The following RAD23B variants were observed in gnomAD, a reference collection of about 807,000 sequenced individuals.
RAD23B encodes the protein lysine-specific demethylase RAD23B.
RAD23B carries 5 observed loss-of-function variants against 49.1 expected under a neutral mutation model. That is an observed-to-expected ratio of 0.10 (90% CI 0.05 to 0.21). The LOEUF (loss-of-function observed/expected upper bound fraction) is 0.21, where lower values mean the gene tolerates loss of function less well. Among genes scored for constraint, RAD23B ranks in the 10% least tolerant of loss-of-function variants. The probability of loss-of-function intolerance (pLI) is 1.00; values close to 1 mark genes in which losing one functional copy is unlikely to be tolerated. For missense variants in RAD23B, 356 were observed against 486.7 expected, an observed-to-expected ratio of 0.73 and a Z score of 2.53; for synonymous variants, 184 against 165.4, an observed-to-expected ratio of 1.11 and a Z score of -0.86.
intron 1 of RAD23B, among the ~76,000 whole-genome samples, chr9:107,287,841 A>AC (rs1833304512): frequency 6.6e-6 from 1 of 151,546 alleles, no homozygotes; most frequent in Non-Finnish European, 1.5e-5. Flanking sequence ...TCTCAAAAAA[A>AC]AAAAAAAAAC....
At chr9:107,315,486 C>T (rs1325325832) in intron 5 of RAD23B, among the ~76,000 whole-genome samples, 1 of 151,996 alleles carries the variant, frequency 6.6e-6, no homozygotes, top group Non-Finnish European at 1.5e-5. Flanking sequence ...TGTTTCTTGG[C>T]CAGTCTCTCT....
rs961305744 is a variant in RAD23B, at chr9:107,283,465, G to C, written c.-165G>C. On this transcript the variant is annotated 5_prime_UTR_variant, in exon 1 of 10. Transcript: ENST00000358015. The stretch of plus-strand genomic sequence containing the variant: ...CGGCGCGGTCCGGGGCACGGGCTGG[G>C]GGAGAGGCCGCTCCGCTGGGCGAAT... 2.0e-6 allele frequency: 1 copy of C among 488,690 alleles called. No individual in the cohort carries two copies. Among genetic ancestry groups the C allele is most frequent in the African/African-American group, 2.0e-5 (1 of 49,448 alleles). The allele number at this position is 488,690 out of a possible 1,614,324, so 30.3% of individuals were successfully genotyped here.
chr9:107,294,472 C>T (rs933210136), intron 1 of RAD23B, among the ~76,000 whole-genome samples: 1 of 152,176 alleles, frequency 6.6e-6, no homozygotes, highest in Non-Finnish European at 1.5e-5. Context: ...GTGTGGGGCT[C>T]AGCGCAGTTA....
At chr9:107,285,694 C>T (rs1345617419) in intron 1 of RAD23B, among the ~76,000 whole-genome samples, 1 of 152,056 alleles carries the variant, frequency 6.6e-6, no homozygotes, top group Non-Finnish European at 1.5e-5. Flanking sequence ...TGTTAGGGAG[C>T]GGTTTCTACA....
chr9:107,298,484 T>TTC (rs1826580526), intron 1 of RAD23B, among the ~76,000 whole-genome samples: 1 of 112,992 alleles, frequency 8.9e-6, no homozygotes, highest in African/African-American at 3.0e-5. Context: ...ATTTTTTTTT[T>TTC]TTTTTTTTTT....
At chr9:107,325,160 C>A (rs957311673) in intron 9 of RAD23B, 156 bp downstream of exon 9, 10 of 547,256 alleles carry the variant, frequency 1.8e-5, no homozygotes, top group Non-Finnish European at 3.1e-5. Context: ...ACTAAAAATA[C>A]AAAAATTAGC....
At chr9:107,284,053 G>A in intron 1 of RAD23B, 1 of 1,026,386 alleles carries the variant, frequency 9.7e-7, no homozygotes, top group South Asian at 4.5e-5. Flanking sequence ...TGGGTGCACA[G>A]GTGGGGGAGG....
At chr9:107,285,831 T>G (rs1833264897) in intron 1 of RAD23B, among the ~76,000 whole-genome samples, 1 of 152,238 alleles carries the variant, frequency 6.6e-6, no homozygotes, top group African/African-American at 2.4e-5. Context: ...ATTTAATGAC[T>G]TGTCAGTTTT....
Position 107,318,591 on chromosome 9 carries a change from G to A in RAD23B, c.554-161G>A, listed in dbSNP as rs1827040764. ...ATCAAACCAGAGGGCATCTTTGGGGGACCATTACCTACTACATATATGTTG... is the reference window on the plus strand; with the variant it reads ...ATCAAACCAGAGGGCATCTTTGGGGAACCATTACCTACTACATATATGTTG... On this transcript the variant is annotated intron_variant, in intron 5 of 9. Transcript: ENST00000358015. The surrounding 1 kb of genome is among the most constrained non-coding windows in gnomAD (Gnocchi z 4.3). Among the ~76,000 whole-genome samples, 1 of 152,110 alleles carries A rather than the reference G, an allele frequency of 6.6e-6. No individual in the cohort carries two copies.
At chr9:107,324,367 C>G (rs1261408610) in intron 8 of RAD23B, among the ~76,000 whole-genome samples, 1 of 152,088 alleles carries the variant, frequency 6.6e-6, no homozygotes, top group African/African-American at 2.4e-5. Context: ...TACTCAGTTC[C>G]TTTTTCTTAG....
chr9:107,297,904 T>C (rs1052842535), intron 1 of RAD23B, among the ~76,000 whole-genome samples: 3 of 152,246 alleles, frequency 2.0e-5, no homozygotes, highest in African/African-American at 7.2e-5. Flanking sequence ...TTCTTTTATT[T>C]GTTGCTTCAT....
intron 5 of RAD23B, among the ~76,000 whole-genome samples, chr9:107,316,239 CTGATCTCG>C (rs1190350557): frequency 6.6e-6 from 1 of 152,106 alleles, no homozygotes; most frequent in Non-Finnish European, 1.5e-5. Flanking sequence ...TCTCGATCTC[CTGATCTCG>C]TGATCTGCCC....
At chr9:107,287,834 C>CA (rs11396857) in intron 1 of RAD23B, among the ~76,000 whole-genome samples, 59,420 of 118,926 alleles carry the variant, frequency 0.5, 14,259 homozygotes, top group East Asian at 0.74. Flanking sequence ...AACTCCATCT[C>CA]AAAAAAAAAA....
At chr9:107,322,268 C>A in intron 7 of RAD23B, 150 bp downstream of exon 7, 2 of 1,013,570 alleles carry the variant, frequency 2.0e-6, no homozygotes, top group East Asian at 2.9e-5. Context: ...GAGAAAGGCC[C>A]AAAAGAAACT....
chr9:107,329,696 T>A lies in RAD23B; in HGVS notation c.*40T>A. The A allele has an allele frequency of 5.0e-6, 6 of 1,199,946 alleles. No homozygotes were observed. Among genetic ancestry groups the A allele is most frequent in the Non-Finnish European group, 7.1e-6 (6 of 850,536 alleles). The allele number at this position is 1,199,946 out of a possible 1,614,324, so 74.3% of individuals were successfully genotyped here. ...TATCTCACACTTCACACCAGTGCAT[T>A]ACACTAACTTGTTCACTGGATTGTC... On this transcript the variant is annotated 3_prime_UTR_variant, in exon 10 of 10. Transcript: ENST00000358015.
rs191623160 is a variant in RAD23B, at chr9:107,304,625, G to T, written c.229-1754G>T. Among the ~76,000 whole-genome samples, 45 of 152,296 alleles carry T rather than the reference G, an allele frequency of 3.0e-4. No homozygotes were observed. The East Asian group carries it at 8.3e-3, about 28-fold the overall frequency. On this transcript the variant is annotated intron_variant, in intron 3 of 9. Transcript: ENST00000358015. ...AAGACAAGGCAGCTCATTGGTTTTA[G>T]AGTTTGTTTATGCCTGTGGCAAATT... is the stretch of plus-strand genomic sequence containing the variant.
At chr9:107,285,265 A>G (rs1833253348) in intron 1 of RAD23B, among the ~76,000 whole-genome samples, 1 of 152,226 alleles carries the variant, frequency 6.6e-6, no homozygotes. Flanking sequence ...ATGTGCATTA[A>G]TAAGTTGAAG....
intron 5 of RAD23B, among the ~76,000 whole-genome samples, chr9:107,313,005 A>G (rs1826920331): frequency 6.6e-6 from 1 of 151,982 alleles, no homozygotes; most frequent in Non-Finnish European, 1.5e-5. Flanking sequence ...CTACATTTTC[A>G]TCTTTAATTT....
chr9:107,284,901 T>G, intron 1 of RAD23B: 1 of 1,289,412 alleles, frequency 7.8e-7, no homozygotes, highest in Non-Finnish European at 1.0e-6. Flanking sequence ...TGCAGAGATG[T>G]GAAGATTAGA....
Sources: gnomAD v4.1 joint callset for allele counts (sites outside exome capture counted in the v4.1 genomes callset) on GRCh38, gnomAD v4.1.1 for gene constraint, Gnocchi (gnomAD v3.1) non-coding constraint, MANE v1.5 for transcripts, NCBI Gene and HGNC (gene_info 2026-07-23, HGNC 2026-07-21) for gene names.